Variants in RIMBP2 observed in about 807,000 individuals in gnomAD.
RIMBP2 encodes the protein RIMS binding protein 2.
In RIMBP2, 48 loss-of-function variants were observed where a neutral mutation model predicts 118.6. That is an observed-to-expected ratio of 0.40 (90% confidence interval 0.32 to 0.51). RIMBP2 has a LOEUF of 0.51. RIMBP2 is among the 20% of genes least tolerant of loss of function. The pLI, the probability that RIMBP2 is intolerant of heterozygous loss-of-function variation, is 0.41. For missense variants in RIMBP2, 1,551 were observed against 1,768.3 expected (o/e 0.88, Z 2.20); for synonymous variants, 762 against 742.9 (o/e 1.03, Z -0.42).
intron 1 of RIMBP2, among the ~76,000 whole-genome samples, chr12:130,651,984 A>C (rs2063249734): frequency 6.6e-6 from 1 of 152,220 alleles, no homozygotes; most frequent in African/African-American, 2.4e-5. Context: ...GTTGTCTACT[A>C]AATCATTGTG....
Position 130,438,302 on chromosome 12 carries a change from C to A in RIMBP2, c.1656+63G>T, listed in dbSNP as rs149506986. 603 of 1,578,228 alleles carry A rather than the reference C, an allele frequency of 3.8e-4. 2 individuals are homozygous for A. The African/African-American group carries it at 7.1e-3, about 19-fold the overall frequency. ...CCTGCCTCCTCCACTGAGCAAATACCGGGCCGGTCCCTGCTGCGTTAGGGC... is the reference window on the plus strand; with the variant it reads ...CCTGCCTCCTCCACTGAGCAAATACAGGGCCGGTCCCTGCTGCGTTAGGGC... On this transcript the variant is annotated intron_variant, in intron 12 of 22. Transcript: ENST00000690449.
intron 2 of RIMBP2, among the ~76,000 whole-genome samples, chr12:130,528,364 AT>A (rs1366030269): frequency 1.3e-5 from 2 of 152,186 alleles, no homozygotes; most frequent in Non-Finnish European, 2.9e-5. Flanking sequence ...TAAACACCAC[AT>A]GTTCTCACTT....
intron 3 of RIMBP2, among the ~76,000 whole-genome samples, chr12:130,515,587 T>C (rs143604762): frequency 0.011 from 1,706 of 152,356 alleles, 16 homozygotes; most frequent in South Asian, 0.027. Flanking sequence ...ATTGGACACA[T>C]ATGTCACATG....
At chr12:130,433,935 C>T (rs112647308) in intron 14 of RIMBP2, among the ~76,000 whole-genome samples, 4 of 152,302 alleles carry the variant, frequency 2.6e-5, no homozygotes, top group African/African-American at 7.2e-5. Flanking sequence ...CGTTTCTGAA[C>T]GATTTGGATC....
chr12:130,613,948 G>C (rs1481922051), intron 2 of RIMBP2, among the ~76,000 whole-genome samples: 4 of 152,152 alleles, frequency 2.6e-5, no homozygotes, highest in East Asian at 1.9e-4. Context: ...ACAGCAGAGA[G>C]GGAGGGAGGC....
intron 1 of RIMBP2, among the ~76,000 whole-genome samples, chr12:130,645,903 T>C (rs118131956): frequency 0.026 from 4,007 of 152,270 alleles, 86 homozygotes; most frequent in Non-Finnish European, 0.039. Flanking sequence ...AATGGATTCA[T>C]TAAAGCTCTT....
rs528691475 is a variant in RIMBP2, at chr12:130,442,616, C to T, written c.736G>A (p.Val246Met). Residue 246 changes from valine (V) to methionine (M), a missense_variant, in exon 11 of 23, where the codon GTG becomes ATG. By Grantham distance (21) the Val-to-Met change is conservative. This residue lies in a region of RIMBP2 where 265 missense variants were observed against 349.5 expected (regional missense o/e 0.76). Transcript: ENST00000690449. This position sits in a 1 kb window ranked among gnomAD's most constrained non-coding sequence, Gnocchi z 6.9. ...GACTCGTTGTCCTGCACAAAGTCCA[C>T]GAAGTTGGAGGGCACCAGACCCCTC... ...GQRGLVPSNF[V>M]DFVQDNESRL... 9.3e-6 allele frequency: 15 copies of T among 1,614,194 alleles called. 1 individual carries two copies. The highest frequency in any genetic ancestry group is 3.3e-4 in the Middle Eastern group (2 of 6,062).
Position 130,434,442 on chromosome 12 carries a change from C to A in RIMBP2, c.2253+292G>T, listed in dbSNP as rs891328903. 2.0e-5 allele frequency among the ~76,000 whole-genome samples: 3 copies of A among 152,206 alleles called. No homozygotes were observed. Among genetic ancestry groups the A allele is most frequent in the Non-Finnish European group, 4.4e-5 (3 of 68,036 alleles). ...CAGGTTCTGCCTGAACTGAGCCTAACCCTACCCGGACCTGCAAAACCACCC... is the reference window on the plus strand; with the variant it reads ...CAGGTTCTGCCTGAACTGAGCCTAAACCTACCCGGACCTGCAAAACCACCC... On this transcript the variant is annotated intron_variant, in intron 14 of 22. Coordinates refer to ENST00000690449, the MANE Select transcript of RIMBP2 (RefSeq NM_001393629.1). This position sits in a 1 kb window ranked among gnomAD's most constrained non-coding sequence, Gnocchi z 5.7.
At chr12:130,478,885 C>A (rs751715460) in intron 5 of RIMBP2, 27 bp downstream of exon 5, 5 of 1,576,716 alleles carry the variant, frequency 3.2e-6, no homozygotes, top group East Asian at 4.5e-5. Context: ...CTGCCTCGCA[C>A]GCCGCGCCCG....
chr12:130,539,648 C>T (rs12810912), intron 2 of RIMBP2, among the ~76,000 whole-genome samples: 1 of 137,960 alleles, frequency 7.2e-6, no homozygotes, highest in Non-Finnish European at 1.6e-5. Context: ...CAAATGCAGT[C>T]GATGAGGTGG....
At chr12:130,439,962 T>C (rs940203230) in intron 11 of RIMBP2, among the ~76,000 whole-genome samples, 5 of 151,506 alleles carry the variant, frequency 3.3e-5, no homozygotes, top group African/African-American at 9.7e-5. Context: ...TATGTGGGTC[T>C]GTAGGGATGT....
At chr12:130,438,334 A>ATGCCCCCCCC in intron 12 of RIMBP2, 31 bp downstream of exon 12, 11 of 1,344,506 alleles carry the variant, frequency 8.2e-6, no homozygotes, top group South Asian at 2.3e-5. Flanking sequence ...GGGCCTAACA[A>ATGCCCCCCCC]ACCCTCCCCA....
chr12:130,453,678 C>A (rs1315764318), intron 7 of RIMBP2, among the ~76,000 whole-genome samples: 2 of 152,166 alleles, frequency 1.3e-5, no homozygotes, highest in African/African-American at 4.8e-5. Context: ...TTTCCAGGGG[C>A]CGGGCCGGGG....
chr12:130,712,512 C>T (rs542757477), intron 1 of RIMBP2, among the ~76,000 whole-genome samples: 20 of 152,262 alleles, frequency 1.3e-4, no homozygotes, highest in African/African-American at 4.8e-4. Context: ...CACGTCCTGT[C>T]CCGCTGGGAG....
chr12:130,438,349 C>G lies in RIMBP2; in HGVS notation c.1656+16G>C. The G allele has an allele frequency of 1.3e-6, 2 of 1,566,882 alleles. No homozygotes were observed. The highest frequency in any genetic ancestry group is 1.3e-5 in the African/African-American group (1 of 74,404). ...GGGCCTAACAAACCCTCCCCACCCACCCAACGAAAACTCACCCTCTGCCCT... is the reference window on the plus strand; with the variant it reads ...GGGCCTAACAAACCCTCCCCACCCAGCCAACGAAAACTCACCCTCTGCCCT... On this transcript the variant is annotated intron_variant, in intron 12 of 22. Transcript: ENST00000690449.
intron 9 of RIMBP2, among the ~76,000 whole-genome samples, chr12:130,448,009 G>A (rs2078684923): frequency 1.3e-5 from 2 of 151,994 alleles, no homozygotes; most frequent in Admixed American, 1.3e-4. Context: ...TACCTGCAAA[G>A]CCACCTCTTA....
intron 9 of RIMBP2, among the ~76,000 whole-genome samples, chr12:130,449,886 CCTTGGAGCCCTCGGAG>C (rs2078852178): frequency 6.6e-6 from 1 of 152,092 alleles, no homozygotes; most frequent in South Asian, 2.1e-4. Flanking sequence ...AAGGACCCCT[CCTTGGAGCCCTCGGAG>C]GGCGAGACCC....
At position 130,576,795 on chromosome 12, in the gene RIMBP2, C is replaced by T. The variant is rs566403242; in HGVS notation, c.-217+51527G>A. 7.2e-5 allele frequency among the ~76,000 whole-genome samples: 11 copies of T among 152,340 alleles called. No homozygotes were observed. The highest frequency in any genetic ancestry group is 5.2e-4 in the Admixed American group (8 of 15,300). ...AGCTCCGAGTCCTAAACGAATCACA[C>T]CAGGATGGAGATTGCAGGATGGCGT... On this transcript the variant is annotated intron_variant, in intron 2 of 22. Transcript: ENST00000690449. This position sits in a 1 kb window ranked among gnomAD's most constrained non-coding sequence, Gnocchi z 4.2.
rs527249922 is a variant in RIMBP2 at position 130,602,992 on chromosome 12, G to C, written c.-217+25330C>G. On this transcript the variant is annotated intron_variant, in intron 2 of 22. Transcript: ENST00000690449. ...AGGTTTTCAGTTGCAGCACTGGTCA[G>C]TGAAGCAATACAATTTCCACTTGTC... 1.4e-3 allele frequency among the ~76,000 whole-genome samples: 219 copies of C among 152,312 alleles called. 1 individual carries two copies. The highest frequency in any genetic ancestry group is 1.6e-3 in the Non-Finnish European group (111 of 68,024).
Sources: gnomAD v4.1 joint callset for allele counts (sites outside exome capture counted in the v4.1 genomes callset) on GRCh38, gnomAD v4.1.1 for gene constraint, gnomAD v4.1.1 regional missense constraint, Gnocchi (gnomAD v3.1) non-coding constraint, MANE v1.5 for transcripts, NCBI Gene and HGNC (gene_info 2026-07-23, HGNC 2026-07-21) for gene names.